The following LYRM4 variants were observed in gnomAD, a reference collection of about 807,000 sequenced individuals.
LYRM4 encodes LYR motif containing 4.
Under a neutral mutation model 11.7 loss-of-function variants are expected in LYRM4, and 9 were observed. The ratio of observed to expected loss-of-function variants is 0.77; its 90% CI spans 0.46 to 1.34. The LOEUF (loss-of-function observed/expected upper bound fraction) is 1.34, where lower values mean the gene tolerates loss of function less well. LYRM4 is among the 40% of genes most tolerant of loss of function. The probability of loss-of-function intolerance (pLI) is 0.00; values close to 1 mark genes in which losing one functional copy is unlikely to be tolerated. For missense variants in LYRM4, 133 were observed against 112.5 expected, an observed-to-expected ratio of 1.18 and a Z score of -0.82; for synonymous variants, 42 against 40.4, an observed-to-expected ratio of 1.04 and a Z score of -0.15.
intron 2 of LYRM4, among the ~76,000 whole-genome samples, chr6:5,214,555 G>T (rs1418175244): frequency 6.6e-6 from 1 of 152,192 alleles, no homozygotes; most frequent in East Asian, 1.9e-4. Flanking sequence ...GTGGAGAACA[G>T]ACCATGTGTG....
downstream of LYRM4, chr6:5,103,766 C>A (rs2127590082): frequency 6.6e-6 from 1 of 151,138 alleles, no homozygotes. Flanking sequence ...TCCTGAGTAG[C>A]TGGGATTACA....
At chr6:5,229,240 G>T (rs996983070) in intron 1 of LYRM4, among the ~76,000 whole-genome samples, 8 of 152,130 alleles carry the variant, frequency 5.3e-5, no homozygotes, top group African/African-American at 1.9e-4. Flanking sequence ...GGAAGTTTGA[G>T]AAGAGCCTCG....
chr6:5,225,815 G>T lies in LYRM4; in HGVS notation c.87-9077C>A, dbSNP rs377515434. 2.8e-4 allele frequency among the ~76,000 whole-genome samples: 42 copies of T among 152,320 alleles called. No individual in the cohort carries two copies. In the South Asian group the frequency reaches 7.9e-3, roughly 29 times the overall value. On this transcript the variant is annotated intron_variant, in intron 1 of 2. Transcript: ENST00000330636. ...TATAAGGCTGTTTTCCTCATAGGAA[G>T]TACAAGTTTATGTCCCCAACATCTC...
At chr6:5,075,661 A>G in the LYRM4 span, among the ~76,000 whole-genome samples, 5 of 152,258 alleles carry the variant, frequency 3.3e-5, no homozygotes, top group Admixed American at 2.6e-4. Context: ...ATGAGAGGAC[A>G]GAAGTCAAAT....
the LYRM4 span, among the ~76,000 whole-genome samples, chr6:5,038,889 A>G: frequency 7.0e-4 from 3 of 4,280 alleles, no homozygotes; most frequent in African/African-American, 1.7e-3. Flanking sequence ...GGAGGGAGAG[A>G]GAGGGAGAGG....
intron 1 of LYRM4, chr6:5,218,375 T>G: frequency 1.0e-6 from 1 of 985,112 alleles, no homozygotes; most frequent in Non-Finnish European, 1.2e-6. Context: ...GAGGGGGTGT[T>G]GGGAGCTCAT....
chr6:5,123,088 C>G (rs971144088), intron 2 of LYRM4, among the ~76,000 whole-genome samples: 3 of 152,204 alleles, frequency 2.0e-5, no homozygotes, highest in Non-Finnish European at 4.4e-5. Flanking sequence ...CTTTGTCTCC[C>G]CCCACCCAGA....
intron 2 of LYRM4, among the ~76,000 whole-genome samples, chr6:5,209,154 C>T (rs1000307800): frequency 7.2e-5 from 11 of 152,068 alleles, no homozygotes; most frequent in Admixed American, 1.3e-4. Flanking sequence ...AGTGCAGTGA[C>T]GCGATTTTGG....
At chr6:5,145,336 G>A (rs551690841) in intron 2 of LYRM4, among the ~76,000 whole-genome samples, 5 of 152,342 alleles carry the variant, frequency 3.3e-5, no homozygotes, top group African/African-American at 9.6e-5. Flanking sequence ...GGGGGCACGC[G>A]CCTGTGTAAG....
intron 1 of LYRM4, among the ~76,000 whole-genome samples, chr6:5,258,405 C>G (rs540327765): frequency 5.9e-5 from 9 of 152,282 alleles, no homozygotes; most frequent in East Asian, 5.8e-4. Context: ...CAGGGTAATA[C>G]AAATAGTACC....
At chr6:5,136,766 C>T (rs2127618819) in intron 2 of LYRM4, 1 of 985,406 alleles carries the variant, frequency 1.0e-6, no homozygotes, top group African/African-American at 1.7e-5. Flanking sequence ...GGTAGACTTC[C>T]TTCCTTTCCT....
At chr6:5,237,313 G>A (rs921996575) in intron 1 of LYRM4, among the ~76,000 whole-genome samples, 12 of 151,924 alleles carry the variant, frequency 7.9e-5, no homozygotes, top group African/African-American at 2.7e-4. Context: ...TGTGAACTGC[G>A]CATGCGAAGG....
the LYRM4 span, chr6:5,086,807 T>G: frequency 3.7e-6 from 2 of 538,888 alleles, no homozygotes; most frequent in South Asian, 2.7e-5. Flanking sequence ...CGTTTGACCT[T>G]CCTACAAGGC....
intron 2 of LYRM4, among the ~76,000 whole-genome samples, chr6:5,115,752 T>TA (rs1763089731): frequency 6.6e-6 from 1 of 152,056 alleles, no homozygotes; most frequent in African/African-American, 2.4e-5. Context: ...TGAATTAAAT[T>TA]TAAAAAAAAC....
chr6:5,114,833 C>T (rs1182291615), intron 2 of LYRM4, among the ~76,000 whole-genome samples: 4 of 151,988 alleles, frequency 2.6e-5, no homozygotes, highest in South Asian at 2.1e-4. Context: ...CTGGACTGCA[C>T]GTGGCCCGCA....
At chr6:5,251,426 A>G (rs1236007381) in intron 1 of LYRM4, among the ~76,000 whole-genome samples, 1 of 152,190 alleles carries the variant, frequency 6.6e-6, no homozygotes, top group Non-Finnish European at 1.5e-5. Flanking sequence ...AGGAATTGTG[A>G]TGCTGGCATC....
chr6:5,182,758 T>A (rs927013918), intron 2 of LYRM4, among the ~76,000 whole-genome samples: 3 of 152,220 alleles, frequency 2.0e-5, no homozygotes, highest in African/African-American at 7.2e-5. Context: ...AGGACAGTAA[T>A]CAGTGTGGCC....
chr6:5,248,479 T>C (rs1318890756), intron 1 of LYRM4, among the ~76,000 whole-genome samples: 1 of 152,264 alleles, frequency 6.6e-6, no homozygotes, highest in African/African-American at 2.4e-5. Flanking sequence ...TAGCACAGCA[T>C]ACAAAGCTCT....
intron 2 of LYRM4, among the ~76,000 whole-genome samples, chr6:5,195,446 C>T (rs1317744308): frequency 7.0e-6 from 1 of 143,712 alleles, no homozygotes; most frequent in African/African-American, 2.6e-5. Flanking sequence ...CCCATCTCTA[C>T]AAAAAAAAAA....
Sources: gnomAD v4.1 joint callset for allele counts (sites outside exome capture counted in the v4.1 genomes callset) on GRCh38, gnomAD v4.1.1 for gene constraint, MANE v1.5 for transcripts, NCBI Gene and HGNC (gene_info 2026-07-23, HGNC 2026-07-21) for gene names.